The following TULP4 variants were observed in gnomAD, a reference collection of about 807,000 sequenced individuals.
TULP4 encodes TUB like protein 4.
Under a neutral mutation model 129.0 loss-of-function variants are expected in TULP4, and 16 were observed. The ratio of observed to expected loss-of-function variants is 0.12; its 90% CI spans 0.08 to 0.19. TULP4 has a LOEUF of 0.19. Ranked by LOEUF, TULP4 falls within the 10% of genes least tolerant of loss-of-function variation. The pLI is 1.00. For missense variants in TULP4, 1,842 were observed against 2,059.1 expected, an observed-to-expected ratio of 0.89 and a Z score of 2.04; for synonymous variants, 998 against 854.0, an observed-to-expected ratio of 1.17 and a Z score of -2.94.
In TULP4 at chr6:158,501,751, C is replaced by G. The variant is rs1429761789; in HGVS notation, c.2088C>G (p.Ser696Arg). The G allele has an allele frequency of 1.9e-6, 3 of 1,614,052 alleles. No individual in the cohort carries two copies. The African/African-American group carries it at 4.0e-5, about 22-fold the overall frequency. ...ACATCCCTATTGCACCGATCCACAG[C>G]TCGGCTCAGGCTATGTCCCCCACGC... ...TVNIPIAPIH[S>R]SAQAMSPTQS... The change falls in exon 13 of 14, where the codon AGC (serine) becomes AGG (arginine). Residue 696 changes from serine to arginine, a missense_variant. Physicochemically the swap from Ser to Arg is moderately radical, Grantham distance 110. This residue lies in a region of TULP4 where 99 missense variants were observed against 165.1 expected (regional missense o/e 0.60). Coordinates refer to ENST00000367097, the MANE Select transcript of TULP4 (RefSeq NM_020245.5).
chr6:158,281,981 T>C (rs1053583772), upstream of TULP4, among the ~76,000 whole-genome samples: 13 of 152,204 alleles, frequency 8.5e-5, no homozygotes, highest in Non-Finnish European at 1.3e-4. Flanking sequence ...CTCTTTGCCC[T>C]GATGAAGAGT....
At chr6:158,301,294 T>C (rs9364933) in intron 1 of TULP4, among the ~76,000 whole-genome samples, 131,885 of 152,130 alleles carry the variant, frequency 0.87, 57,529 homozygotes, top group Admixed American at 0.92. Context: ...CCAGCATTTC[T>C]GTTACTGGAG....
intron 1 of TULP4, among the ~76,000 whole-genome samples, chr6:158,294,976 G>A (rs1366947827): frequency 1.3e-5 from 2 of 152,190 alleles, no homozygotes; most frequent in African/African-American, 4.8e-5. Context: ...CTCCCAAAGT[G>A]CTGGGATTAC....
At chr6:158,267,270 C>T (rs1012800880) in intron 1 of TULP4, among the ~76,000 whole-genome samples, 14 of 152,012 alleles carry the variant, frequency 9.2e-5, no homozygotes, top group African/African-American at 2.9e-4. Flanking sequence ...TGATGGACAC[C>T]GGGTAATTAA....
At chr6:158,362,317 G>A (rs1374426162) in intron 1 of TULP4, among the ~76,000 whole-genome samples, 1 of 151,300 alleles carries the variant, frequency 6.6e-6, no homozygotes, top group East Asian at 1.9e-4. Flanking sequence ...CTTGTTGTTT[G>A]TTCATCCAAG....
At chr6:158,330,345 G>T (rs1779849005) in intron 1 of TULP4, among the ~76,000 whole-genome samples, 1 of 151,272 alleles carries the variant, frequency 6.6e-6, no homozygotes, top group African/African-American at 2.4e-5. Flanking sequence ...TGGATAAAAG[G>T]CATTTAAAAA....
chr6:158,474,084 G>A (rs969712704), intron 6 of TULP4, among the ~76,000 whole-genome samples: 5 of 152,232 alleles, frequency 3.3e-5, no homozygotes, highest in African/African-American at 7.2e-5. Context: ...GCCTCCCAAA[G>A]TGCTGGGATT....
intron 1 of TULP4, among the ~76,000 whole-genome samples, chr6:158,244,317 G>A (rs1414100981): frequency 6.6e-6 from 1 of 152,138 alleles, no homozygotes; most frequent in Non-Finnish European, 1.5e-5. Flanking sequence ...ACCTAAATGT[G>A]CAATAAACAA....
rs1583734614 is a variant in TULP4 at position 158,313,965 on chromosome 6, A to T, written c.-52A>T. On this transcript the variant is annotated 5_prime_UTR_variant, in exon 1 of 14. Transcript: ENST00000367097. ...ATACCAATGAAAGAAATTGGTTTAA[A>T]TTTCACAGCATTAACATTACTTTTT... 3 of 1,581,332 alleles carry T rather than the reference A, an allele frequency of 1.9e-6. No homozygotes were observed. In the East Asian group the frequency reaches 6.8e-5, roughly 36 times the overall value.
At chr6:158,354,422 T>C (rs1260244570) in intron 1 of TULP4, among the ~76,000 whole-genome samples, 7 of 152,198 alleles carry the variant, frequency 4.6e-5, no homozygotes, top group Non-Finnish European at 1.0e-4. Flanking sequence ...TTTTCCATTA[T>C]GTTACCACAT....
upstream of TULP4, among the ~76,000 whole-genome samples, chr6:158,281,618 T>C (rs1000687407): frequency 6.6e-6 from 1 of 152,204 alleles, no homozygotes; most frequent in African/African-American, 2.4e-5. Context: ...GCTTGTTAGC[T>C]GGCCTCATTA....
intron 1 of TULP4, among the ~76,000 whole-genome samples, chr6:158,264,372 T>C (rs1444853415): frequency 6.6e-6 from 1 of 152,222 alleles, no homozygotes; most frequent in Admixed American, 6.5e-5. Flanking sequence ...TTTATACGTA[T>C]GTTGGTTTGT....
intron 1 of TULP4, among the ~76,000 whole-genome samples, chr6:158,370,994 C>T (rs543280638): frequency 6.6e-6 from 1 of 152,346 alleles, no homozygotes; most frequent in African/African-American, 2.4e-5. Flanking sequence ...CCCCTCGTGC[C>T]AGTTCTAGCT....
chr6:158,424,989 TA>T (rs1426185243), intron 2 of TULP4, among the ~76,000 whole-genome samples: 6 of 150,390 alleles, frequency 4.0e-5, no homozygotes, highest in Non-Finnish European at 1.5e-5. Context: ...CCGTCTCTAC[TA>T]AAAATACAAA....
chr6:158,289,705 T>G (rs547219474), intron 1 of TULP4, among the ~76,000 whole-genome samples: 115 of 152,214 alleles, frequency 7.6e-4, no homozygotes, highest in African/African-American at 2.6e-3. Flanking sequence ...TTCAGCCTTC[T>G]GAGAAGCTGG....
intron 3 of TULP4, among the ~76,000 whole-genome samples, chr6:158,440,051 C>T (rs971668546): frequency 2.6e-5 from 4 of 151,648 alleles, no homozygotes; most frequent in African/African-American, 9.7e-5. Flanking sequence ...TCTGACCTGG[C>T]GCGGTGGCTC....
At chr6:158,494,243 G>A (rs1780276931) in intron 10 of TULP4, among the ~76,000 whole-genome samples, 1 of 152,158 alleles carries the variant, frequency 6.6e-6, no homozygotes, top group Non-Finnish European at 1.5e-5. Context: ...TTTATATACA[G>A]ATCATTACAA....
At chr6:158,420,954 G>A (rs1028040664) in intron 2 of TULP4, among the ~76,000 whole-genome samples, 10 of 152,318 alleles carry the variant, frequency 6.6e-5, no homozygotes, top group South Asian at 6.2e-4. Context: ...AGTGACCATG[G>A]CCCATGACAC....
chr6:158,238,975 AG>A (rs1777785212), intron 1 of TULP4, among the ~76,000 whole-genome samples: 1 of 142,062 alleles, frequency 7.0e-6, no homozygotes, highest in Non-Finnish European at 1.6e-5. Flanking sequence ...GGCCGGGCAG[AG>A]GGGCTCCTCA....
Sources: gnomAD v4.1 joint callset for allele counts (sites outside exome capture counted in the v4.1 genomes callset) on GRCh38, gnomAD v4.1.1 for gene constraint, gnomAD v4.1.1 regional missense constraint, MANE v1.5 for transcripts, NCBI Gene and HGNC (gene_info 2026-07-23, HGNC 2026-07-21) for gene names.